Variants in TFAP2D observed in about 807,000 individuals in gnomAD.
TFAP2D encodes transcription factor AP-2 delta.
A neutral mutation model predicts 43.6 loss-of-function variants in TFAP2D; 9 were observed. That is an observed-to-expected ratio of 0.21 (90% CI 0.12 to 0.36). TFAP2D has a LOEUF of 0.36. Among genes scored for constraint, TFAP2D ranks in the 10% least tolerant of loss-of-function variants. TFAP2D has a pLI of 1.00. For synonymous variants in TFAP2D, 256 were observed against 224.9 expected (o/e 1.14, Z -1.24); for missense variants, 513 against 561.4 (o/e 0.91, Z 0.87).
intron 6 of TFAP2D, among the ~76,000 whole-genome samples, chr6:50,747,504 A>C (rs967115895): frequency 2.6e-5 from 4 of 152,130 alleles, no homozygotes; most frequent in Non-Finnish European, 5.9e-5. Flanking sequence ...TGGTTTTATC[A>C]TGCATATTCA....
chr6:50,727,801 T>C (rs1768830398), intron 3 of TFAP2D, among the ~76,000 whole-genome samples: 1 of 152,208 alleles, frequency 6.6e-6, no homozygotes, highest in African/African-American at 2.4e-5. Context: ...GATTGCTCAA[T>C]GCATTAGGCG....
intron 7 of TFAP2D, among the ~76,000 whole-genome samples, chr6:50,757,561 C>A (rs1769295251): frequency 1.6e-5 from 1 of 64,514 alleles, no homozygotes; most frequent in Non-Finnish European, 2.7e-5. Flanking sequence ...TATAATTATT[C>A]TATATATATA....
At chr6:50,753,345 C>T (rs1356491299) in intron 7 of TFAP2D, among the ~76,000 whole-genome samples, 3 of 151,958 alleles carry the variant, frequency 2.0e-5, no homozygotes, top group Non-Finnish European at 4.4e-5. Flanking sequence ...AGTCAAACAT[C>T]AGCTACAGTG....
At chr6:50,716,046 G>T (rs1581756111) in intron 2 of TFAP2D, among the ~76,000 whole-genome samples, 1 of 152,074 alleles carries the variant, frequency 6.6e-6, no homozygotes, top group South Asian at 2.1e-4. Flanking sequence ...CTCAATCTCC[G>T]CACTTTACAG....
chr6:50,745,738 T>G (rs968358807), intron 6 of TFAP2D, among the ~76,000 whole-genome samples: 1 of 152,074 alleles, frequency 6.6e-6, no homozygotes, highest in African/African-American at 2.4e-5. Flanking sequence ...TCCTCTCTTG[T>G]GTATGAGTAA....
intron 7 of TFAP2D, among the ~76,000 whole-genome samples, chr6:50,758,625 T>G (rs964099904): frequency 2.0e-5 from 3 of 152,048 alleles, no homozygotes; most frequent in African/African-American, 4.8e-5. Flanking sequence ...GAGCAGATAT[T>G]TGTCTCTACT....
At chr6:50,727,906 G>A (rs1768831979) in intron 3 of TFAP2D, among the ~76,000 whole-genome samples, 1 of 152,146 alleles carries the variant, frequency 6.6e-6, no homozygotes, top group African/African-American at 2.4e-5. Context: ...AGTGGGAAAT[G>A]CTTCTCAGAG....
intron 7 of TFAP2D, among the ~76,000 whole-genome samples, chr6:50,761,899 G>T (rs1447920016): frequency 6.6e-6 from 1 of 152,014 alleles, no homozygotes; most frequent in Non-Finnish European, 1.5e-5. Flanking sequence ...ATAAATGTAG[G>T]TAAGGCCTTG....
At chr6:50,744,472 G>C (rs1047597484) in intron 5 of TFAP2D, among the ~76,000 whole-genome samples, 1 of 152,070 alleles carries the variant, frequency 6.6e-6, no homozygotes, top group East Asian at 1.9e-4. Flanking sequence ...GGTAAGATTT[G>C]CCTTGACTGA....
intron 7 of TFAP2D, among the ~76,000 whole-genome samples, chr6:50,757,110 G>T (rs1367369453): frequency 2.0e-5 from 3 of 151,530 alleles, no homozygotes; most frequent in Non-Finnish European, 4.4e-5. Context: ...TGTACCTTGG[G>T]AGGCTGAAGT....
intron 7 of TFAP2D, among the ~76,000 whole-genome samples, chr6:50,768,229 T>C (rs1769471317): frequency 6.6e-6 from 1 of 151,844 alleles, no homozygotes; most frequent in African/African-American, 2.4e-5. Context: ...TTTTTTTTTT[T>C]TTCCTGTCTA....
chr6:50,716,938 A>G (rs1402956609), intron 2 of TFAP2D, among the ~76,000 whole-genome samples: 3 of 152,250 alleles, frequency 2.0e-5, no homozygotes, highest in African/African-American at 7.2e-5. Flanking sequence ...CCATAGCAGT[A>G]AGACCGGTGC....
chr6:50,746,861 G>C (rs2113883756), intron 6 of TFAP2D, among the ~76,000 whole-genome samples: 1 of 152,180 alleles, frequency 6.6e-6, no homozygotes, highest in South Asian at 2.1e-4. Context: ...ATCTATTGCT[G>C]TTCTGAAAGT....
intron 5 of TFAP2D, among the ~76,000 whole-genome samples, chr6:50,737,121 C>T (rs1419385652): frequency 1.3e-5 from 2 of 152,066 alleles, no homozygotes; most frequent in Non-Finnish European, 2.9e-5. Flanking sequence ...GCTGAGACCA[C>T]AGACACATGC....
intron 6 of TFAP2D, among the ~76,000 whole-genome samples, chr6:50,750,024 T>C (rs1186762673): frequency 3.3e-5 from 5 of 151,976 alleles, no homozygotes; most frequent in Non-Finnish European, 7.4e-5. Context: ...ATTGTTCATT[T>C]AAAATATCAT....
At chr6:50,745,772 A>G (rs900196248) in intron 6 of TFAP2D, among the ~76,000 whole-genome samples, 2 of 151,898 alleles carry the variant, frequency 1.3e-5, no homozygotes, top group East Asian at 3.9e-4. Context: ...GTACTGCCTC[A>G]TAGTGTTATT....
At chr6:50,739,977 G>A (rs917898823) in intron 5 of TFAP2D, among the ~76,000 whole-genome samples, 3 of 152,152 alleles carry the variant, frequency 2.0e-5, no homozygotes, top group Non-Finnish European at 4.4e-5. Flanking sequence ...GCTGTAGAAT[G>A]CATTCCTTTC....
intron 5 of TFAP2D, among the ~76,000 whole-genome samples, chr6:50,740,601 TA>T (rs1225313496): frequency 2.2e-5 from 3 of 133,954 alleles, no homozygotes; most frequent in African/African-American, 8.3e-5. Flanking sequence ...CCCAGCTAAA[TA>T]TTTTTTTTGT....
chr6:50,715,689 C>A (rs1768610737), intron 2 of TFAP2D, 76 bp downstream of exon 2: 2 of 1,470,978 alleles, frequency 1.4e-6, no homozygotes, highest in East Asian at 4.5e-5. Context: ...AATGCTCCGA[C>A]TGTAAAGCGT....
Sources: gnomAD v4.1 joint callset for allele counts (sites outside exome capture counted in the v4.1 genomes callset) on GRCh38, gnomAD v4.1.1 for gene constraint, MANE v1.5 for transcripts, NCBI Gene and HGNC (gene_info 2026-07-23, HGNC 2026-07-21) for gene names.